GALK2: variants seen among roughly 807,000 people sequenced by gnomAD.
The protein encoded by GALK2 is galactokinase 2.
Under a neutral mutation model 52.4 loss-of-function variants are expected in GALK2, and 36 were observed. The observed-to-expected ratio is 0.69, with a 90% confidence interval of 0.53 to 0.91. The LOEUF is 0.91. GALK2 is among the 40% of genes least tolerant of loss of function. The pLI, the probability that GALK2 is intolerant of heterozygous loss-of-function variation, is 0.00. For missense variants in GALK2, 579 were observed against 559.1 expected, an observed-to-expected ratio of 1.04 and a Z score of -0.36; for synonymous variants, 176 against 199.1, an observed-to-expected ratio of 0.88 and a Z score of 0.98.
chr15:49,329,808 A>T lies in GALK2; in HGVS notation c.*1649A>T. ...CTTTAAAGATACCTGGATCAGTGTAAAAAAAAAAAAAAAAAGGCACCTGTC... is the reference window on the plus strand; with the variant it reads ...CTTTAAAGATACCTGGATCAGTGTATAAAAAAAAAAAAAAAGGCACCTGTC... On this transcript the variant is annotated 3_prime_UTR_variant, in exon 10 of 10. Transcript: ENST00000560031. 1 of 362,542 alleles carries T rather than the reference A, an allele frequency of 2.8e-6. No homozygotes were observed. Among genetic ancestry groups the T allele is most frequent in the Non-Finnish European group, 3.6e-6 (1 of 276,378 alleles). 22.5% of individuals were successfully genotyped at this position (362,542 alleles called of 1,614,324 possible). A position where few individuals can be genotyped will look rare whatever the true frequency, so the allele number is the denominator to read the frequency against.
chr15:49,167,137 A>G (rs1250446581), upstream of GALK2, among the ~76,000 whole-genome samples: 1 of 152,204 alleles, frequency 6.6e-6, no homozygotes, highest in Admixed American at 6.5e-5. Flanking sequence ...TTAGTTTGCT[A>G]TAATATTTTA....
chr15:49,307,675 C>T (rs1596051094), intron 8 of GALK2, among the ~76,000 whole-genome samples: 3 of 152,040 alleles, frequency 2.0e-5, no homozygotes, highest in Admixed American at 6.6e-5. Context: ...TTTTGATCAG[C>T]GGAGTAAAAT....
chr15:49,246,527 A>G (rs534425152), intron 5 of GALK2, among the ~76,000 whole-genome samples: 1 of 152,186 alleles, frequency 6.6e-6, no homozygotes, highest in Non-Finnish European at 1.5e-5. Flanking sequence ...GAGAAAACCC[A>G]TATTATCTTG....
At chr15:49,217,725 C>G (rs919226359) in intron 3 of GALK2, among the ~76,000 whole-genome samples, 2 of 152,060 alleles carry the variant, frequency 1.3e-5, no homozygotes, top group African/African-American at 4.8e-5. Flanking sequence ...CCTGTGTCAC[C>G]CAGTAGACTG....
chr15:49,178,194 A>AATATATATATAT (rs1566907035), intron 1 of GALK2, among the ~76,000 whole-genome samples: 3 of 39,610 alleles, frequency 7.6e-5, no homozygotes, highest in African/African-American at 1.2e-4. Flanking sequence ...AAAAAGAAAT[A>AATATATATATAT]CTATATATAT....
At chr15:49,173,366 T>C (rs188961412) in intron 1 of GALK2, among the ~76,000 whole-genome samples, 1 of 152,360 alleles carries the variant, frequency 6.6e-6, no homozygotes, top group East Asian at 1.9e-4. Flanking sequence ...TGAATAATGC[T>C]GCTGTATGAA....
chr15:49,335,619 G>A, downstream of GALK2: 2 of 604,844 alleles, frequency 3.3e-6, no homozygotes, highest in Non-Finnish European at 5.9e-6. Context: ...AGAGTCTCAA[G>A]TATAAACATG....
Position 49,261,361 on chromosome 15 carries a change from G to C in GALK2, c.505-20626G>C, listed in dbSNP as rs371267656. 7.1e-3 allele frequency among the ~76,000 whole-genome samples: 1,025 copies of C among 143,562 alleles called. 5 individuals carry two copies. Among genetic ancestry groups the C allele is most frequent in the Non-Finnish European group, 0.012 (754 of 64,218 alleles). 94.2% of individuals were successfully genotyped at this position (143,562 alleles called of 152,430 possible). On this transcript the variant is annotated intron_variant, in intron 5 of 9. Transcript: ENST00000560031. ...ATGGGAGTTCACTCATGATTTAGCT[G>C]TCTGTTTGTCTGTTATTGGTGTATA...
At chr15:49,246,502 C>G (rs1194447975) in intron 5 of GALK2, among the ~76,000 whole-genome samples, 1 of 152,064 alleles carries the variant, frequency 6.6e-6, no homozygotes, top group East Asian at 1.9e-4. Context: ...ATCCCCCATA[C>G]TGAAGTCTAA....
At chr15:49,193,714 T>C (rs2141272717) in intron 1 of GALK2, among the ~76,000 whole-genome samples, 1 of 151,796 alleles carries the variant, frequency 6.6e-6, no homozygotes, top group Admixed American at 6.6e-5. Flanking sequence ...AGCATTCTGT[T>C]TTTTTATTTT....
chr15:49,222,684 T>C (rs905907548), intron 3 of GALK2, among the ~76,000 whole-genome samples: 8 of 152,346 alleles, frequency 5.3e-5, no homozygotes, highest in African/African-American at 1.9e-4. Flanking sequence ...ACTGATGCGA[T>C]GTGTCACATT....
chr15:49,325,718 A>C (rs2037366435), intron 9 of GALK2, among the ~76,000 whole-genome samples: 1 of 152,152 alleles, frequency 6.6e-6, no homozygotes, highest in African/African-American at 2.4e-5. Context: ...ATCATTCTTT[A>C]TTTGGGAAAT....
intron 7 of GALK2, among the ~76,000 whole-genome samples, chr15:49,290,869 G>A (rs530459569): frequency 5.9e-5 from 9 of 152,298 alleles, no homozygotes; most frequent in African/African-American, 2.2e-4. Flanking sequence ...CATTGAGAAC[G>A]TGGCCTAGGG....
intron 5 of GALK2, among the ~76,000 whole-genome samples, chr15:49,239,776 A>G (rs2091003983): frequency 6.6e-6 from 1 of 152,228 alleles, no homozygotes; most frequent in Non-Finnish European, 1.5e-5. Context: ...GGAACTGAAT[A>G]TGCCAGCAGA....
In GALK2 at chr15:49,293,155, G is replaced by A. The variant is rs192487210; in HGVS notation, c.967+618G>A. On this transcript the variant is annotated intron_variant, in intron 8 of 9. Transcript: ENST00000560031. The stretch of plus-strand genomic sequence containing the variant: ...TAGTTAAGATCCAGTTGCCCTTAGC[G>A]GATGGTTATGGGGGATGAGTAGGAG... Among the ~76,000 whole-genome samples, 5 of 152,246 alleles carry A rather than the reference G, an allele frequency of 3.3e-5. No homozygotes were observed. The East Asian group carries it at 5.8e-4, about 18-fold the overall frequency.
chr15:49,245,005 A>C (rs1163824399), intron 5 of GALK2, among the ~76,000 whole-genome samples: 3 of 152,178 alleles, frequency 2.0e-5, no homozygotes, highest in Non-Finnish European at 4.4e-5. Context: ...TAAATATAGG[A>C]AAAACAAAAA....
At chr15:49,211,429 T>A (rs964531972) in intron 2 of GALK2, among the ~76,000 whole-genome samples, 4 of 152,202 alleles carry the variant, frequency 2.6e-5, no homozygotes, top group Non-Finnish European at 4.4e-5. Flanking sequence ...CTATCTTTTT[T>A]CTGAGCCCTC....
chr15:49,259,170 G>A (rs2091966577), intron 5 of GALK2, among the ~76,000 whole-genome samples: 2 of 151,710 alleles, frequency 1.3e-5, no homozygotes, highest in Admixed American at 1.3e-4. Context: ...GATAAAGTGA[G>A]TAGTTCCATT....
chr15:49,284,704 A>G (rs563020299), intron 7 of GALK2, among the ~76,000 whole-genome samples: 18 of 152,268 alleles, frequency 1.2e-4, no homozygotes. Flanking sequence ...TCAAATACCC[A>G]TTACTTGATT....
Sources: gnomAD v4.1 joint callset for allele counts (sites outside exome capture counted in the v4.1 genomes callset) on GRCh38, gnomAD v4.1.1 for gene constraint, MANE v1.5 for transcripts, NCBI Gene and HGNC (gene_info 2026-07-23, HGNC 2026-07-21) for gene names.